The following CLDN18 variants were observed in gnomAD, a reference collection of about 807,000 sequenced individuals.
The protein encoded by CLDN18 is claudin 18.
CLDN18 carries 20 observed loss-of-function variants against 25.0 expected under a neutral mutation model. That is an observed-to-expected ratio of 0.80 (90% CI 0.56 to 1.16). The LOEUF (loss-of-function observed/expected upper bound fraction) is 1.16. Ranked by LOEUF, CLDN18 falls within the 50% of genes most tolerant of loss-of-function variation. The pLI, the probability that CLDN18 is intolerant of heterozygous loss-of-function variation, is 0.00. For synonymous variants in CLDN18, 125 were observed against 135.6 expected (o/e 0.92, Z 0.54); for missense variants, 297 against 345.4 (o/e 0.86, Z 1.11).
intron 1 of CLDN18, among the ~76,000 whole-genome samples, chr3:138,019,558 C>G (rs1942247213): frequency 6.6e-6 from 1 of 152,220 alleles, no homozygotes. Flanking sequence ...ATGCCAGCTC[C>G]TGAGAACCCT....
chr3:138,002,301 C>T (rs926482423), intron 1 of CLDN18, among the ~76,000 whole-genome samples: 9 of 151,506 alleles, frequency 5.9e-5, no homozygotes, highest in Non-Finnish European at 8.8e-5. Context: ...TAGAATTAGA[C>T]GGAAAAAAAA....
At position 138,023,691 on chromosome 3, in the gene CLDN18, T is replaced by C. The variant is rs139920646; in HGVS notation, c.254T>C (p.Val85Ala). The C allele has an allele frequency of 1.5e-5, 25 of 1,613,996 alleles. No homozygotes were observed. Among genetic ancestry groups the C allele is most frequent in the Middle Eastern group, 1.6e-4 (1 of 6,084 alleles). ...CAGGCAGTGCGAGCCCTGATGATCG[T>C]AGGCATCGTCCTGGGTGCCATTGGC... is the stretch of plus-strand genomic sequence containing the variant. ...MLQAVRALMI[V>A]GIVLGAIGLL... The change falls in exon 2 of 5, where the codon GTA becomes GCA. Residue 85 changes from valine (V) to alanine (A), a missense_variant. Coordinates refer to ENST00000183605, the MANE Select transcript of CLDN18 (RefSeq NM_016369.4).
At chr3:138,002,446 A>G (rs377121578) in intron 1 of CLDN18, among the ~76,000 whole-genome samples, 1 of 152,168 alleles carries the variant, frequency 6.6e-6, no homozygotes, top group Non-Finnish European at 1.5e-5. Context: ...AGTTCCCCCA[A>G]TTCTGTTTTC....
chr3:138,005,116 A>C (rs1172620059), intron 1 of CLDN18: 1 of 152,204 alleles, frequency 6.6e-6, no homozygotes, highest in African/African-American at 2.4e-5. Flanking sequence ...AAAAAGTGCT[A>C]AAATTCTAGT....
chr3:138,028,376 T>A (rs1338433516), intron 3 of CLDN18, among the ~76,000 whole-genome samples: 3 of 152,224 alleles, frequency 2.0e-5, no homozygotes, highest in Non-Finnish European at 4.4e-5. Context: ...ATGTGTGTGC[T>A]TTTAAAGCAC....
chr3:138,007,265 C>T (rs1003205274), upstream of CLDN18, among the ~76,000 whole-genome samples: 4 of 152,064 alleles, frequency 2.6e-5, no homozygotes, highest in Admixed American at 2.0e-4. Context: ...TATTGCAGCA[C>T]GATTTATAAT....
At chr3:138,000,873 C>T in intron 1 of CLDN18, among the ~76,000 whole-genome samples, 1 of 152,232 alleles carries the variant, frequency 6.6e-6, no homozygotes, top group East Asian at 1.9e-4. Flanking sequence ...TGCCCAGTGG[C>T]TAGGACCTCG....
intron 3 of CLDN18, among the ~76,000 whole-genome samples, chr3:138,029,072 T>C (rs1415354980): frequency 6.6e-6 from 1 of 152,204 alleles, no homozygotes. Context: ...AAGGATTATT[T>C]GAGATAAGTT....
intron 1 of CLDN18, among the ~76,000 whole-genome samples, chr3:138,018,454 A>C (rs1942234670): frequency 6.8e-6 from 1 of 148,096 alleles, no homozygotes; most frequent in Non-Finnish European, 1.5e-5. Flanking sequence ...CTCCTGCCTC[A>C]GCCTCCCAAG....
chr3:138,027,091 A>C (rs1942335988), intron 3 of CLDN18, among the ~76,000 whole-genome samples: 1 of 152,170 alleles, frequency 6.6e-6, no homozygotes, highest in African/African-American at 2.4e-5. Context: ...AGGAGACTTC[A>C]CCCCACACAC....
chr3:138,000,531 T>TTTGGTTGG (rs953082345), intron 1 of CLDN18, among the ~76,000 whole-genome samples: 38 of 151,548 alleles, frequency 2.5e-4, no homozygotes, highest in Non-Finnish European at 4.7e-4. Context: ...AGGTTGGTTG[T>TTTGGTTGG]TTGGTTGGTT....
chr3:138,014,433 C>T (rs529534302), intron 1 of CLDN18, among the ~76,000 whole-genome samples: 4 of 152,054 alleles, frequency 2.6e-5, no homozygotes, highest in African/African-American at 9.6e-5. Flanking sequence ...CTGATGTGCC[C>T]GTCTTGCATC....
At chr3:138,012,728 A>G (rs1244527391) in intron 1 of CLDN18, among the ~76,000 whole-genome samples, 1 of 152,228 alleles carries the variant, frequency 6.6e-6, no homozygotes, top group Admixed American at 6.5e-5. Flanking sequence ...TTGCATACCT[A>G]CAAAGAGTAC....
upstream of CLDN18, among the ~76,000 whole-genome samples, chr3:138,006,662 C>T (rs1331455447): frequency 3.3e-5 from 5 of 152,118 alleles, no homozygotes; most frequent in African/African-American, 9.7e-5. Flanking sequence ...TTGGCAGATA[C>T]GGCTAAAATA....
At chr3:138,011,891 C>T (rs1050558469) in intron 1 of CLDN18, among the ~76,000 whole-genome samples, 3 of 152,140 alleles carry the variant, frequency 2.0e-5, no homozygotes, top group Non-Finnish European at 4.4e-5. Flanking sequence ...ATTCTGTCAA[C>T]GGATCTTATC....
chr3:138,019,532 C>T (rs908687548), intron 1 of CLDN18, among the ~76,000 whole-genome samples: 1 of 152,198 alleles, frequency 6.6e-6, no homozygotes, highest in African/African-American at 2.4e-5. Flanking sequence ...ATCCTCACTC[C>T]CACTTCCACT....
intron 2 of CLDN18, 102 bp downstream of exon 2, chr3:138,023,924 C>A: frequency 8.5e-7 from 1 of 1,174,592 alleles, no homozygotes; most frequent in Non-Finnish European, 1.2e-6. Context: ...TGGTTCAGAA[C>A]TTTTCATACT....
At chr3:138,015,619 G>GAAAT (rs1411232738) in intron 1 of CLDN18, among the ~76,000 whole-genome samples, 1 of 152,106 alleles carries the variant, frequency 6.6e-6, no homozygotes, top group Non-Finnish European at 1.5e-5. Context: ...TGTAATCCTA[G>GAAAT]AAATGCAGGA....
Position 138,031,075 on chromosome 3 carries a change from A to G in CLDN18, c.720A>G (p.Ile240Met). ...GFGSNTKNKK[I>M]YDGGARTEDE... The stretch of plus-strand genomic sequence containing the variant: ...GGTCCAACACCAAAAACAAGAAGAT[A>G]TACGATGGAGGTGCCCGCACAGAGG... Residue 240 changes from isoleucine (I) to methionine (M), a missense_variant, in exon 5 of 5, where the codon ATA (isoleucine) becomes ATG (methionine). Physicochemically the swap from Ile to Met is conservative, Grantham distance 10 (BLOSUM62 1). Transcript: ENST00000183605. The G allele has an allele frequency of 6.2e-7, 1 of 1,614,176 alleles. No homozygotes were observed. The highest frequency in any genetic ancestry group is 2.2e-5 in the East Asian group (1 of 44,884).
Sources: allele counts gnomAD v4.1 joint callset (sites outside exome capture counted in the v4.1 genomes callset), GRCh38; gene constraint gnomAD v4.1.1; transcripts MANE v1.5; gene names NCBI Gene and HGNC (gene_info 2026-07-23, HGNC 2026-07-21).